Variants in RPS6KA2 observed in about 807,000 individuals in gnomAD.
RPS6KA2 encodes the protein ribosomal protein S6 kinase alpha-2.
A neutral mutation model predicts 91.8 loss-of-function variants in RPS6KA2; 42 were observed. That is an observed-to-expected ratio of 0.46 (90% CI 0.36 to 0.59). The LOEUF (loss-of-function observed/expected upper bound fraction) is 0.59. RPS6KA2 is among the 20% of genes least tolerant of loss of function. The pLI is 0.00. For missense variants in RPS6KA2, 798 were observed against 978.5 expected, an observed-to-expected ratio of 0.82 and a Z score of 2.46; for synonymous variants, 414 against 393.6, an observed-to-expected ratio of 1.05 and a Z score of -0.61.
In RPS6KA2 at chr6:166,554,317, A is replaced by C. The variant is rs1042107204; in HGVS notation, c.100-15533T>G. ...CGTGAGCATTTTAGCTTCTGTTTCAAGTCTTAAGACTAACATATTCCCAGA... is the reference window on the plus strand; with the variant it reads ...CGTGAGCATTTTAGCTTCTGTTTCACGTCTTAAGACTAACATATTCCCAGA... On this transcript the variant is annotated intron_variant, in intron 1 of 20. Coordinates refer to ENST00000265678, the MANE Select transcript of RPS6KA2 (RefSeq NM_021135.6). The surrounding 1 kb of genome is among the most constrained non-coding windows in gnomAD (Gnocchi z 4.3). 6.6e-6 allele frequency among the ~76,000 whole-genome samples: 1 copy of C among 152,246 alleles called. No homozygotes were observed. The highest frequency in any genetic ancestry group is 1.5e-5 in the Non-Finnish European group (1 of 68,046).
intron 1 of RPS6KA2, among the ~76,000 whole-genome samples, chr6:166,569,165 T>C (rs552041552): frequency 2.5e-4 from 38 of 152,356 alleles, no homozygotes; most frequent in African/African-American, 9.1e-4. Context: ...TCCCTTTCCA[T>C]TGGATTCCTC....
At chr6:166,625,334 C>CA (rs1786828859) in intron 1 of RPS6KA2, among the ~76,000 whole-genome samples, 1 of 47,842 alleles carries the variant, frequency 2.1e-5, no homozygotes, top group African/African-American at 1.4e-4. Flanking sequence ...CCCCCCCACC[C>CA]CCCCCCCCGC....
chr6:166,669,706 A>G (rs1331821690), intron 2 of RPS6KA2, among the ~76,000 whole-genome samples: 1 of 151,866 alleles, frequency 6.6e-6, no homozygotes, highest in Non-Finnish European at 1.5e-5. Context: ...AGCCTGACCC[A>G]CCGCGTTTGC....
intron 10 of RPS6KA2, among the ~76,000 whole-genome samples, chr6:166,475,532 C>T (rs546626647): frequency 6.6e-6 from 1 of 152,178 alleles, no homozygotes; most frequent in Admixed American, 6.5e-5. Context: ...TCTTCTGAGA[C>T]CCAACCCAGG....
chr6:166,622,190 C>G (rs1034468686), intron 1 of RPS6KA2, among the ~76,000 whole-genome samples: 2 of 152,112 alleles, frequency 1.3e-5, no homozygotes, highest in Non-Finnish European at 2.9e-5. Context: ...AATCTCACTA[C>G]GTTTAGTTGT....
At chr6:166,636,051 C>G (rs897025222) in intron 2 of RPS6KA2, among the ~76,000 whole-genome samples, 3 of 152,180 alleles carry the variant, frequency 2.0e-5, no homozygotes, top group African/African-American at 7.2e-5. Flanking sequence ...TAATAAAACC[C>G]AAACTCCTCG....
chr6:166,846,116 G>A (rs1780598535), intron 2 of RPS6KA2, among the ~76,000 whole-genome samples: 1 of 151,922 alleles, frequency 6.6e-6, no homozygotes, highest in Admixed American at 6.6e-5. Flanking sequence ...TAGAGGAGAT[G>A]GATAAATTCC....
At chr6:166,777,210 G>T (rs1294168620) in intron 2 of RPS6KA2, among the ~76,000 whole-genome samples, 1 of 152,240 alleles carries the variant, frequency 6.6e-6, no homozygotes, top group African/African-American at 2.4e-5. Flanking sequence ...CATCGAACTT[G>T]TCCTGGGCTC....
chr6:166,579,814 C>T (rs1784949468), intron 1 of RPS6KA2, among the ~76,000 whole-genome samples: 2 of 152,160 alleles, frequency 1.3e-5, no homozygotes, highest in South Asian at 4.2e-4. Context: ...AATTTTATCT[C>T]TAAAGAATGG....
chr6:166,569,620 T>G (rs563959329), intron 1 of RPS6KA2, among the ~76,000 whole-genome samples: 1 of 152,140 alleles, frequency 6.6e-6, no homozygotes, highest in Admixed American at 6.5e-5. Flanking sequence ...CTCCCAGGAC[T>G]CCTCTATGGG....
intron 1 of RPS6KA2, among the ~76,000 whole-genome samples, chr6:166,598,942 G>A (rs1230513683): frequency 2.0e-5 from 3 of 152,218 alleles, no homozygotes; most frequent in South Asian, 2.1e-4. Context: ...TGGGGTGTCC[G>A]ATGCCCAGGC....
intron 2 of RPS6KA2, among the ~76,000 whole-genome samples, chr6:166,722,215 T>C (rs1369674914): frequency 6.6e-6 from 1 of 152,202 alleles, no homozygotes; most frequent in African/African-American, 2.4e-5. Flanking sequence ...CAGCCCTGTG[T>C]TCCAACCCCT....
chr6:166,516,887 C>A (rs1024465582), intron 3 of RPS6KA2, among the ~76,000 whole-genome samples: 1 of 152,198 alleles, frequency 6.6e-6, no homozygotes, highest in Non-Finnish European at 1.5e-5. Flanking sequence ...TTGCCATCTC[C>A]TTGCAAAGCT....
At chr6:166,424,777 C>T (rs530349951) in intron 16 of RPS6KA2, among the ~76,000 whole-genome samples, 5 of 152,242 alleles carry the variant, frequency 3.3e-5, no homozygotes, top group Non-Finnish European at 7.3e-5. Context: ...AGCGTCCCTG[C>T]GCTCCGGTTA....
chr6:166,793,802 T>C (rs1163760971), intron 2 of RPS6KA2, among the ~76,000 whole-genome samples: 3 of 152,066 alleles, frequency 2.0e-5, no homozygotes, highest in Admixed American at 6.6e-5. Context: ...GCTAGCCATA[T>C]GTAGAAAGCT....
chr6:166,626,557 C>G lies in RPS6KA2; in HGVS notation c.99+364G>C, dbSNP rs1356492709. On this transcript the variant is annotated intron_variant, in intron 1 of 20. Transcript: ENST00000265678. This position sits in a 1 kb window ranked among gnomAD's most constrained non-coding sequence, Gnocchi z 4.1. ...TTCTCCACTCGGGACTTTGAGGGACCCCCGCGGAGCGCTCCGCGCCACTCG... is the reference window on the plus strand; with the variant it reads ...TTCTCCACTCGGGACTTTGAGGGACGCCCGCGGAGCGCTCCGCGCCACTCG... 6.6e-6 allele frequency among the ~76,000 whole-genome samples: 1 copy of G among 152,178 alleles called. No individual in the cohort carries two copies. Among genetic ancestry groups the G allele is most frequent in the Non-Finnish European group, 1.5e-5 (1 of 68,020 alleles).
intron 2 of RPS6KA2, among the ~76,000 whole-genome samples, chr6:166,831,197 C>T (rs1028685328): frequency 1.3e-5 from 2 of 152,290 alleles, no homozygotes; most frequent in African/African-American, 4.8e-5. Context: ...CTCCTCCACT[C>T]TCCGCAGGTG....
intron 2 of RPS6KA2, among the ~76,000 whole-genome samples, chr6:166,693,875 A>T (rs1192715454): frequency 1.3e-5 from 2 of 152,082 alleles, no homozygotes; most frequent in African/African-American, 4.8e-5. Flanking sequence ...GGCACAGGTT[A>T]CTCCTGTGGT....
At chr6:166,696,954 C>A (rs79726107) in intron 2 of RPS6KA2, among the ~76,000 whole-genome samples, 3,259 of 152,172 alleles carry the variant, frequency 0.021, 103 homozygotes, top group African/African-American at 0.073. Flanking sequence ...CACCATGGGC[C>A]CTTCTGGGAC....
Sources: allele counts gnomAD v4.1 joint callset (sites outside exome capture counted in the v4.1 genomes callset), GRCh38; gene constraint gnomAD v4.1.1; non-coding constraint Gnocchi (gnomAD v3.1); transcripts MANE v1.5; gene names NCBI Gene and HGNC (gene_info 2026-07-23, HGNC 2026-07-21).